LLGL2: variants seen among roughly 807,000 people sequenced by gnomAD.
The protein encoded by LLGL2 is LLGL scribble cell polarity complex component 2, also known as LLGL2, scribble cell polarity complex component.
A neutral mutation model predicts 123.2 loss-of-function variants in LLGL2; 81 were observed. That is an observed-to-expected ratio of 0.66 (90% CI 0.55 to 0.79). The LOEUF is 0.79. Ranked by LOEUF, LLGL2 falls within the 30% of genes least tolerant of loss-of-function variation. LLGL2 has a pLI of 0.00. For missense variants in LLGL2, 1,273 were observed against 1,414.6 expected (o/e 0.90, Z 1.61); for synonymous variants, 577 against 594.1 (o/e 0.97, Z 0.42).
intron 14 of LLGL2, 127 bp from the exon 15 acceptor site, chr17:75,569,836 T>G: frequency 1.0e-6 from 1 of 953,108 alleles, no homozygotes; most frequent in Non-Finnish European, 1.5e-6. Flanking sequence ...AGAGCTGGGG[T>G]TGGACAGAGG....
rs1568079314 is a variant in LLGL2, at chr17:75,573,016, G to C, written c.2463G>C (p.Val821=). The C allele has an allele frequency of 6.2e-7, 1 of 1,602,858 alleles. No individual in the cohort carries two copies. Among genetic ancestry groups the C allele is most frequent in the Non-Finnish European group, 8.5e-7 (1 of 1,172,252 alleles). Residue 821 remains valine, a splice_region_variant and synonymous_variant, in exon 20 of 26, where the codon GTG becomes GTC. Transcript: ENST00000392550. ...LLVVSEEQFK[V]FTLPKVSAKL... ...GAACAACCACCCCACGCCCCCAGGT[G>C]TTCACGCTGCCCAAGGTGAGTGCCA...
At chr17:75,574,714 G>C in intron 25 of LLGL2, 46 bp downstream of exon 25, 1 of 1,604,200 alleles carries the variant, frequency 6.2e-7, no homozygotes, top group Non-Finnish European at 8.5e-7. Flanking sequence ...TGCTGGGAAG[G>C]GCTGGGAGGA....
chr17:75,540,541 TCCCCAGG>T (rs1043035233), intron 1 of LLGL2, among the ~76,000 whole-genome samples: 36 of 152,308 alleles, frequency 2.4e-4, no homozygotes, highest in Middle Eastern at 3.4e-3. Context: ...CAGCGGCCAG[TCCCCAGG>T]CCCCAGACTG....
At position 75,549,123 on chromosome 17, in the gene LLGL2, C is replaced by T. The variant is rs941738339; in HGVS notation, c.75+5622C>T. Among the ~76,000 whole-genome samples, 40 of 152,144 alleles carry T rather than the reference C, an allele frequency of 2.6e-4. No individual in the cohort carries two copies. Among genetic ancestry groups the T allele is most frequent in the Non-Finnish European group, 5.0e-4 (34 of 68,020 alleles). On this transcript the variant is annotated intron_variant, in intron 2 of 25. Coordinates refer to ENST00000392550, the MANE Select transcript of LLGL2 (RefSeq NM_001031803.2). This position sits in a 1 kb window ranked among gnomAD's most constrained non-coding sequence, Gnocchi z 4.0. ...AGTGGTGGCTTCACCTCCCTTCACA[C>T]CTCAGTTACTTCACCAGTGAAGTAA...
At chr17:75,555,676 C>T (rs142036197) in intron 2 of LLGL2, among the ~76,000 whole-genome samples, 1 of 152,266 alleles carries the variant, frequency 6.6e-6, no homozygotes, top group African/African-American at 2.4e-5. Context: ...TCCATTGTTC[C>T]AAACTCCCCC....
Position 75,564,720 on chromosome 17 carries a change from C to T in LLGL2, c.1036+213C>T. 1 of 733,174 alleles carries T rather than the reference C, an allele frequency of 1.4e-6. No individual in the cohort carries two copies. Among genetic ancestry groups the T allele is most frequent in the Non-Finnish European group, 2.1e-6 (1 of 482,932 alleles). 45.4% of individuals were successfully genotyped at this position (733,174 alleles called of 1,614,324 possible). On this transcript the variant is annotated intron_variant, in intron 10 of 25. Transcript: ENST00000392550. The surrounding 1 kb of genome is among the most constrained non-coding windows in gnomAD (Gnocchi z 4.9). ...CTCTACAAAAAATAAAAAAATTAGCCAGGTGTTGTGGCACGTACCTGTAGT... is the reference window on the plus strand; with the variant it reads ...CTCTACAAAAAATAAAAAAATTAGCTAGGTGTTGTGGCACGTACCTGTAGT...
chr17:75,555,493 C>T (rs1449646834), intron 2 of LLGL2, among the ~76,000 whole-genome samples: 1 of 152,082 alleles, frequency 6.6e-6, no homozygotes, highest in Non-Finnish European at 1.5e-5. Context: ...AATTCCCTTT[C>T]TGGGAAGATG....
chr17:75,560,802 T>TAA (rs372940306), intron 6 of LLGL2, among the ~76,000 whole-genome samples: 2,400 of 95,712 alleles, frequency 0.025, 157 homozygotes, highest in Non-Finnish European at 0.037. Flanking sequence ...GTTTATTTAT[T>TAA]AAAAAAAAAA....
intron 1 of LLGL2, among the ~76,000 whole-genome samples, chr17:75,542,195 A>T (rs750198384): frequency 2.6e-5 from 4 of 151,632 alleles, no homozygotes; most frequent in Admixed American, 6.6e-5. Flanking sequence ...AATTTTTGCC[A>T]CCTCCCAAGA....
At chr17:75,542,653 G>A (rs1380878591) in intron 1 of LLGL2, 1 of 152,270 alleles carries the variant, frequency 6.6e-6, no homozygotes, top group Non-Finnish European at 1.5e-5. Flanking sequence ...TTCTCCACTA[G>A]GGCCCGTGGG....
chr17:75,555,651 C>T (rs77862005), intron 2 of LLGL2, among the ~76,000 whole-genome samples: 111 of 152,210 alleles, frequency 7.3e-4, no homozygotes, highest in African/African-American at 2.6e-3. Flanking sequence ...GATTTTCTCC[C>T]GAGAGACCGG....
chr17:75,557,034 CTTTTTTTTT>C (rs55649536), intron 3 of LLGL2, among the ~76,000 whole-genome samples: 2 of 109,886 alleles, frequency 1.8e-5, no homozygotes, highest in South Asian at 2.7e-4. Context: ...GTCTCAAAAA[CTTTTTTTTT>C]TTTTTTTTTT....
At chr17:75,551,332 A>G (rs1049618252) in intron 2 of LLGL2, among the ~76,000 whole-genome samples, 2 of 152,192 alleles carry the variant, frequency 1.3e-5, no homozygotes, top group Admixed American at 1.3e-4. Context: ...TGCAGTCACC[A>G]GTACCATCCC....
intron 10 of LLGL2, among the ~76,000 whole-genome samples, chr17:75,566,659 T>C (rs1329170458): frequency 6.6e-6 from 1 of 152,182 alleles, no homozygotes. Context: ...CCTCAGGCTG[T>C]AATTTCTTGG....
At chr17:75,540,914 G>A (rs1266131701) in intron 1 of LLGL2, among the ~76,000 whole-genome samples, 1 of 152,186 alleles carries the variant, frequency 6.6e-6, no homozygotes, top group Non-Finnish European at 1.5e-5. Flanking sequence ...GTGACTCTCT[G>A]GATGCTGGGG....
At chr17:75,573,846 G>A (rs1671019) in intron 21 of LLGL2, 106 bp from the exon 22 acceptor site, 40 of 1,397,116 alleles carry the variant, frequency 2.9e-5, no homozygotes, top group East Asian at 1.2e-4. Context: ...CAGGCTCTCC[G>A]GCTCAGGACA....
chr17:75,550,511 G>A (rs548368878), intron 2 of LLGL2, among the ~76,000 whole-genome samples: 115 of 152,222 alleles, frequency 7.6e-4, no homozygotes, highest in Non-Finnish European at 1.3e-3. Context: ...CAGGCCGGGC[G>A]CGGTGGCTTA....
chr17:75,539,311 G>A (rs545847961), intron 1 of LLGL2, among the ~76,000 whole-genome samples: 10 of 151,086 alleles, frequency 6.6e-5, no homozygotes, highest in African/African-American at 9.7e-5. Context: ...TCCTCCCACC[G>A]TAGCCTCCCA....
chr17:75,536,695 G>T (rs959227204), intron 1 of LLGL2, among the ~76,000 whole-genome samples: 1 of 152,136 alleles, frequency 6.6e-6, no homozygotes, highest in African/African-American at 2.4e-5. Flanking sequence ...GGAGAAAAAA[G>T]AATCACCACT....
Sources: gnomAD v4.1 joint callset for allele counts (sites outside exome capture counted in the v4.1 genomes callset) on GRCh38, gnomAD v4.1.1 for gene constraint, Gnocchi (gnomAD v3.1) non-coding constraint, MANE v1.5 for transcripts, NCBI Gene and HGNC (gene_info 2026-07-23, HGNC 2026-07-21) for gene names.